Variants in GRM7 observed in about 807,000 individuals in gnomAD.
GRM7 encodes the protein glutamate metabotropic receptor 7, also known as metabotropic glutamate receptor 7.
GRM7 carries 35 observed loss-of-function variants against 84.5 expected under a neutral mutation model. The ratio of observed to expected loss-of-function variants is 0.41; its 90% CI spans 0.32 to 0.55. The LOEUF is 0.55. GRM7 is among the 20% of genes least tolerant of loss of function. GRM7 has a pLI of 0.19. For synonymous variants in GRM7, 487 were observed against 455.1 expected (o/e 1.07, Z -0.89); for missense variants, 1,003 against 1,194.6 (o/e 0.84, Z 2.36).
chr3:7,218,056 C>A (rs1575044907), intron 2 of GRM7, among the ~76,000 whole-genome samples: 2 of 151,982 alleles, frequency 1.3e-5, no homozygotes, highest in South Asian at 4.1e-4. Context: ...ACAAGGTTAT[C>A]TTTTATTATG....
intron 2 of GRM7, among the ~76,000 whole-genome samples, chr3:7,182,709 A>G (rs752095922): frequency 2.0e-5 from 3 of 152,178 alleles, no homozygotes; most frequent in African/African-American, 7.2e-5. Context: ...TAATCTCACC[A>G]ATAGTAAGAA....
chr3:7,207,073 A>C (rs1696264429), intron 2 of GRM7, among the ~76,000 whole-genome samples: 1 of 152,232 alleles, frequency 6.6e-6, no homozygotes, highest in Admixed American at 6.5e-5. Flanking sequence ...TGAAAGAGAA[A>C]TAGAAGAAAA....
At chr3:7,701,836 G>C (rs768436905) in intron 9 of GRM7, among the ~76,000 whole-genome samples, 10 of 152,116 alleles carry the variant, frequency 6.6e-5, no homozygotes, top group Admixed American at 4.6e-4. Context: ...TCTTCAATTA[G>C]ACATTTTTAG....
intron 1 of GRM7, among the ~76,000 whole-genome samples, chr3:6,919,833 C>T (rs2125029337): frequency 6.6e-6 from 1 of 152,220 alleles, no homozygotes; most frequent in Non-Finnish European, 1.5e-5. Context: ...ATACTCCTTC[C>T]TTTTCCTGTA....
intron 1 of GRM7, among the ~76,000 whole-genome samples, chr3:7,119,324 G>T (rs1693143022): frequency 6.6e-6 from 1 of 151,784 alleles, no homozygotes; most frequent in Non-Finnish European, 1.5e-5. Context: ...AAAAAAAATT[G>T]CATGATGATT....
intron 7 of GRM7, among the ~76,000 whole-genome samples, chr3:7,528,349 T>G (rs1242271596): frequency 6.6e-6 from 1 of 152,124 alleles, no homozygotes; most frequent in East Asian, 1.9e-4. Context: ...CTTTTGTATT[T>G]CTGTGGAATT....
At chr3:7,063,758 G>A (rs1184197794) in intron 1 of GRM7, among the ~76,000 whole-genome samples, 1 of 151,650 alleles carries the variant, frequency 6.6e-6, no homozygotes, top group Non-Finnish European at 1.5e-5. Flanking sequence ...ATGGAGTGTT[G>A]TATTACTTGC....
intron 7 of GRM7, among the ~76,000 whole-genome samples, chr3:7,474,629 A>G (rs17047409): frequency 0.08 from 12,164 of 152,186 alleles, 1,616 homozygotes; most frequent in African/African-American, 0.27. Context: ...CAAAAGTGGT[A>G]TCAGAGTTTT....
At chr3:6,885,582 C>T (rs1267341373) in intron 1 of GRM7, among the ~76,000 whole-genome samples, 3 of 152,194 alleles carry the variant, frequency 2.0e-5, no homozygotes, top group Admixed American at 6.5e-5. Context: ...CTAGTCCTGC[C>T]TCCTACCACA....
At chr3:7,114,610 G>T (rs926280967) in intron 1 of GRM7, among the ~76,000 whole-genome samples, 1 of 152,014 alleles carries the variant, frequency 6.6e-6, no homozygotes, top group Admixed American at 6.6e-5. Flanking sequence ...TGAAATAAAC[G>T]CACAGGTCCA....
At chr3:7,230,980 C>G (rs1374814807) in intron 2 of GRM7, among the ~76,000 whole-genome samples, 1 of 152,182 alleles carries the variant, frequency 6.6e-6, no homozygotes, top group Non-Finnish European at 1.5e-5. Flanking sequence ...CCAGCCACTT[C>G]TTCACAGGAG....
chr3:7,017,433 A>G (rs1695605477), intron 1 of GRM7, among the ~76,000 whole-genome samples: 1 of 152,246 alleles, frequency 6.6e-6, no homozygotes, highest in Admixed American at 6.5e-5. Context: ...TCAACAGGCC[A>G]TGAGCTGGGC....
intron 9 of GRM7, among the ~76,000 whole-genome samples, chr3:7,689,701 C>T (rs1213350738): frequency 1.3e-5 from 2 of 152,186 alleles, no homozygotes; most frequent in African/African-American, 4.8e-5. Flanking sequence ...GAAATGTACA[C>T]ATCATATCTC....
At chr3:7,548,489 A>C (rs1325341687) in intron 7 of GRM7, among the ~76,000 whole-genome samples, 1 of 152,260 alleles carries the variant, frequency 6.6e-6, no homozygotes, top group African/African-American at 2.4e-5. Flanking sequence ...ATAGCAACAC[A>C]AACAGACTAA....
intron 1 of GRM7, among the ~76,000 whole-genome samples, chr3:6,889,058 T>C (rs1015437285): frequency 0.013 from 1,919 of 152,294 alleles, 43 homozygotes; most frequent in African/African-American, 0.042. Flanking sequence ...ATAAGAATGC[T>C]TGTGATTTTT....
At chr3:7,375,713 C>T (rs11131072) in intron 4 of GRM7, among the ~76,000 whole-genome samples, 56,179 of 151,884 alleles carry the variant, frequency 0.37, 10,898 homozygotes, top group East Asian at 0.57. Flanking sequence ...TCATATGCCC[C>T]TCCCTGCAAA....
At chr3:6,954,246 C>T (rs969246796) in intron 1 of GRM7, among the ~76,000 whole-genome samples, 1 of 152,142 alleles carries the variant, frequency 6.6e-6, no homozygotes. Flanking sequence ...GTCCTTTCTT[C>T]TAGCTATTTT....
chr3:7,450,718 T>TA (rs35663671), intron 5 of GRM7, among the ~76,000 whole-genome samples: 34,528 of 151,232 alleles, frequency 0.23, 4,989 homozygotes, highest in East Asian at 0.51. Context: ...ATTTTATCTT[T>TA]AAAAAAAAAT....
At chr3:7,093,334 T>G (rs1463976933) in intron 1 of GRM7, among the ~76,000 whole-genome samples, 2 of 151,864 alleles carry the variant, frequency 1.3e-5, no homozygotes, top group African/African-American at 4.8e-5. Flanking sequence ...TGTGTGTGTC[T>G]GTGTGTGTGT....
Sources: allele counts gnomAD v4.1 joint callset (sites outside exome capture counted in the v4.1 genomes callset), GRCh38; gene constraint gnomAD v4.1.1; transcripts MANE v1.5; gene names NCBI Gene and HGNC (gene_info 2026-07-23, HGNC 2026-07-21).